MSH3: variants seen among roughly 807,000 people sequenced by gnomAD.
MSH3 encodes DNA mismatch repair protein Msh3.
In MSH3, 106 loss-of-function variants were observed where a neutral mutation model predicts 123.3. That is an observed-to-expected ratio of 0.86 (90% CI 0.73 to 1.01). MSH3 has a LOEUF of 1.01. Among genes scored for constraint, MSH3 ranks in the 50% least tolerant of loss-of-function variants. MSH3 has a pLI of 0.00. For synonymous variants in MSH3, 515 were observed against 481.4 expected, an observed-to-expected ratio of 1.07 and a Z score of -0.91; for missense variants, 1,459 against 1,347.6, an observed-to-expected ratio of 1.08 and a Z score of -1.29.
intron 2 of MSH3, among the ~76,000 whole-genome samples, chr5:80,663,551 GT>G (rs536284996): frequency 4.2e-5 from 6 of 142,686 alleles, no homozygotes; most frequent in East Asian, 3.9e-4. Flanking sequence ...ATTCCAGGCA[GT>G]TTTTTTTTAT....
chr5:80,785,333 T>C (rs1260958839), intron 17 of MSH3, among the ~76,000 whole-genome samples: 1 of 152,198 alleles, frequency 6.6e-6, no homozygotes, highest in Non-Finnish European at 1.5e-5. Context: ...CGTTACCCAT[T>C]GCGCTACTGG....
Position 80,665,349 on chromosome 5 carries a change from C to A in MSH3, c.565C>A (p.Gln189Lys), listed in dbSNP as rs1580546793. ...NAVSSEDSKR[Q>K]INQKDTTLFD... ...AGTTTCTTCTGAAGATTCGAAACGT[C>A]AAATTAATCAAAAGGTATGTAACTG... The change falls in exon 3 of 24, where the codon CAA becomes AAA. Residue 189 changes from glutamine (Q) to lysine (K), a missense_variant. Coordinates refer to ENST00000265081, the MANE Select transcript of MSH3 (RefSeq NM_002439.5). 1.9e-6 allele frequency: 3 copies of A among 1,611,350 alleles called. No individual in the cohort carries two copies. Among genetic ancestry groups the A allele is most frequent in the Non-Finnish European group, 2.5e-6 (3 of 1,179,114 alleles).
chr5:80,711,385 T>C (rs564367039), intron 8 of MSH3, among the ~76,000 whole-genome samples: 1 of 152,332 alleles, frequency 6.6e-6, no homozygotes, highest in South Asian at 2.1e-4. Flanking sequence ...TTGTGGTAAG[T>C]TGGCTAAGGC....
Position 80,711,950 on chromosome 5 carries a change from G to A in MSH3, c.1341-13503G>A, listed in dbSNP as rs562941523. ...ATTACAGGTGTGAGCCACCACGCCC[G>A]GCCAGCACTACACTTTCTAATGAGT... is the stretch of plus-strand genomic sequence containing the variant. On this transcript the variant is annotated intron_variant, in intron 8 of 23. Coordinates refer to ENST00000265081, the MANE Select transcript of MSH3 (RefSeq NM_002439.5). 1.1e-4 allele frequency among the ~76,000 whole-genome samples: 17 copies of A among 152,218 alleles called. No homozygotes were observed. In the East Asian group the frequency reaches 2.5e-3, roughly 22 times the overall value.
At chr5:80,762,474 A>C (rs1191591389) in intron 13 of MSH3, among the ~76,000 whole-genome samples, 1 of 151,624 alleles carries the variant, frequency 6.6e-6, no homozygotes, top group East Asian at 1.9e-4. Context: ...CAACCACTTG[A>C]ATTACCTTGG....
At chr5:80,870,161 C>T (rs1403668689) in intron 22 of MSH3, among the ~76,000 whole-genome samples, 2 of 101,896 alleles carry the variant, frequency 2.0e-5, no homozygotes, top group African/African-American at 4.0e-5. Context: ...GCAACAAGAG[C>T]GAAACTCCGT....
chr5:80,690,792 A>G (rs1361838652), intron 8 of MSH3, among the ~76,000 whole-genome samples: 3 of 152,218 alleles, frequency 2.0e-5, no homozygotes, highest in Non-Finnish European at 4.4e-5. Flanking sequence ...ACCTAAGATC[A>G]TGAAATCAGT....
At chr5:80,865,074 G>T in intron 22 of MSH3, 132 bp downstream of exon 22, 1 of 985,320 alleles carries the variant, frequency 1.0e-6, no homozygotes, top group Non-Finnish European at 1.6e-6. Context: ...CATTTGTCAG[G>T]ATTCATTTTT....
At chr5:80,781,553 T>A (rs1450315680) in intron 17 of MSH3, among the ~76,000 whole-genome samples, 27 of 151,494 alleles carry the variant, frequency 1.8e-4, no homozygotes, top group Admixed American at 1.8e-3. Context: ...TTGCAATCTC[T>A]ACCTCCCCAG....
chr5:80,842,435 T>C (rs972033992), intron 20 of MSH3, among the ~76,000 whole-genome samples: 1 of 152,242 alleles, frequency 6.6e-6, no homozygotes, highest in Non-Finnish European at 1.5e-5. Context: ...TTTCCAATTC[T>C]GTGAAGAAAA....
At chr5:80,810,172 C>CATACATATATATATATAT (rs375421949) in intron 19 of MSH3, among the ~76,000 whole-genome samples, 26 of 121,574 alleles carry the variant, frequency 2.1e-4, no homozygotes, top group Non-Finnish European at 3.9e-4. Flanking sequence ...GTTTGACATA[C>CATACATATATATATATAT]ATATATATAT....
In MSH3 at chr5:80,746,324, C is replaced by T. The variant is rs145645694; in HGVS notation, c.1763+1709C>T. ...TGGAACAATCCTTACAGTGTGACGG[C>T]GTCAAGGACGTTTCACTTCTGTTCA... On this transcript the variant is annotated intron_variant, in intron 12 of 23. Coordinates refer to ENST00000265081, the MANE Select transcript of MSH3 (RefSeq NM_002439.5). 9.2e-4 allele frequency: 316 copies of T among 344,026 alleles called. 3 individuals carry two copies. The highest frequency in any genetic ancestry group is 6.3e-3 in the African/African-American group (291 of 46,076). The allele number at this position is 344,026 out of a possible 1,614,324, so 21.3% of individuals were successfully genotyped here. A position where few individuals can be genotyped will look rare whatever the true frequency, so the allele number is the denominator to read the frequency against.
At chr5:80,736,353 G>A (rs1743507261) in intron 10 of MSH3, among the ~76,000 whole-genome samples, 1 of 151,828 alleles carries the variant, frequency 6.6e-6, no homozygotes, top group South Asian at 2.1e-4. Context: ...GAGGTGATAG[G>A]ATTTAAGACA....
chr5:80,688,232 G>C (rs1168445441), intron 8 of MSH3, among the ~76,000 whole-genome samples: 1 of 152,230 alleles, frequency 6.6e-6, no homozygotes, highest in Non-Finnish European at 1.5e-5. Flanking sequence ...ACACATAAGT[G>C]CTTCCTCAAA....
chr5:80,775,748 A>C lies in MSH3; in HGVS notation c.2308A>C (p.Lys770Gln). The C allele has an allele frequency of 6.3e-7, 1 of 1,584,616 alleles. No individual in the cohort carries two copies. Among genetic ancestry groups the C allele is most frequent in the Non-Finnish European group, 8.7e-7 (1 of 1,153,532 alleles). The change falls in exon 16 of 24, where the codon AAG (lysine) becomes CAG (glutamine). Residue 770 changes from lysine (K) to glutamine (Q), a missense_variant. Lys to Gln is a moderately conservative substitution (Grantham distance 53). Coordinates refer to ENST00000265081, the MANE Select transcript of MSH3 (RefSeq NM_002439.5). ...AVSCIPTDWV[K>Q]VGSTKAVSRF... ...ATCTTGTATACCAACTGATTGGGTA[A>C]AGGTTGGAAGGTAGGTTTAAAATAA...
chr5:80,756,449 A>G (rs1313688119), intron 12 of MSH3, among the ~76,000 whole-genome samples: 2 of 152,112 alleles, frequency 1.3e-5, no homozygotes, highest in Admixed American at 6.6e-5. Flanking sequence ...CATCCAGACT[A>G]TTAGCCTTGG....
In MSH3 at chr5:80,854,033, C is replaced by A. The variant is rs1182438792; in HGVS notation, c.2814-97C>A. 22 of 997,666 alleles carry A rather than the reference C, an allele frequency of 2.2e-5. No individual in the cohort carries two copies. The East Asian group carries it at 5.0e-4, about 22-fold the overall frequency. The allele number at this position is 997,666 out of a possible 1,614,324, so 61.8% of individuals were successfully genotyped here. A position where few individuals can be genotyped will look rare whatever the true frequency, so the allele number is the denominator to read the frequency against. On this transcript the variant is annotated intron_variant, in intron 20 of 23. Coordinates refer to ENST00000265081, the MANE Select transcript of MSH3 (RefSeq NM_002439.5). Reference sequence around the variant, plus strand: ...ATTATTGGCTCAAAATATATAGATTCTTAGTGATCTTTTATATTTATTGTT... The same window carrying A: ...ATTATTGGCTCAAAATATATAGATTATTAGTGATCTTTTATATTTATTGTT...
chr5:80,697,836 C>A (rs1022489347), intron 8 of MSH3, among the ~76,000 whole-genome samples: 1 of 152,080 alleles, frequency 6.6e-6, no homozygotes, highest in African/African-American at 2.4e-5. Flanking sequence ...GGTATTTTAT[C>A]CTGCTGTCAA....
In MSH3 at chr5:80,833,218, A is replaced by G. The variant is rs754983326; in HGVS notation, c.2813+19477A>G. On this transcript the variant is annotated intron_variant, in intron 20 of 23. Transcript: ENST00000265081. ...AGTGATTTTTTTTTTCCTTAATCAC[A>G]TAACTGTAACCTTCTGTCTACTCAG... Among the ~76,000 whole-genome samples the G allele has an allele frequency of 3.7e-4, 57 of 152,120 alleles. No individual in the cohort carries two copies. In the Middle Eastern group the frequency reaches 0.01, roughly 27 times the overall value.
Sources: gnomAD v4.1 joint callset for allele counts (sites outside exome capture counted in the v4.1 genomes callset) on GRCh38, gnomAD v4.1.1 for gene constraint, MANE v1.5 for transcripts, NCBI Gene and HGNC (gene_info 2026-07-23, HGNC 2026-07-21) for gene names.